Variants in TMTC3 observed in about 807,000 individuals in gnomAD.
TMTC3 encodes the protein protein O-mannosyl-transferase TMTC3.
TMTC3 carries 52 observed loss-of-function variants against 92.2 expected under a neutral mutation model. That is an observed-to-expected ratio of 0.56 (90% confidence interval 0.45 to 0.71). The LOEUF is 0.71. Ranked by LOEUF, TMTC3 falls within the 30% of genes least tolerant of loss-of-function variation. The pLI is 0.00. For synonymous variants in TMTC3, 339 were observed against 363.3 expected (o/e 0.93, Z 0.76); for missense variants, 896 against 1,057.1 (o/e 0.85, Z 2.11).
intron 8 of TMTC3, among the ~76,000 whole-genome samples, chr12:88,173,855 C>T (rs184814426): frequency 6.6e-6 from 1 of 152,192 alleles, no homozygotes; most frequent in East Asian, 1.9e-4. Flanking sequence ...TATCCAAGAT[C>T]ACACAGCTAG....
At chr12:88,185,829 A>G (rs1441043685) in intron 10 of TMTC3, among the ~76,000 whole-genome samples, 1 of 152,052 alleles carries the variant, frequency 6.6e-6, no homozygotes, top group Non-Finnish European at 1.5e-5. Context: ...TTGTCTGTTA[A>G]TACAGTGGAT....
At chr12:88,193,786 T>C (rs552554880) in intron 13 of TMTC3, among the ~76,000 whole-genome samples, 1 of 152,340 alleles carries the variant, frequency 6.6e-6, no homozygotes, top group African/African-American at 2.4e-5. Context: ...GAAAAGCTAA[T>C]ATTTTTGTAA....
intron 10 of TMTC3, among the ~76,000 whole-genome samples, chr12:88,186,918 CATG>C (rs1282862472): frequency 6.6e-6 from 1 of 152,018 alleles, no homozygotes; most frequent in East Asian, 1.9e-4. Flanking sequence ...ATTCTAAGAG[CATG>C]ATTTCAATGG....
At chr12:88,175,318 A>C (rs2041247786) in intron 9 of TMTC3, among the ~76,000 whole-genome samples, 1 of 152,160 alleles carries the variant, frequency 6.6e-6, no homozygotes, top group African/African-American at 2.4e-5. Context: ...AAAAAACAAA[A>C]ATTTGTTTTC....
At chr12:88,149,995 T>C (rs1245988600) in intron 2 of TMTC3, among the ~76,000 whole-genome samples, 1 of 152,190 alleles carries the variant, frequency 6.6e-6, no homozygotes, top group Non-Finnish European at 1.5e-5. Flanking sequence ...GTTGAGGTTT[T>C]GAACTGATGG....
chr12:88,176,048 G>C (rs1304010449), intron 9 of TMTC3, among the ~76,000 whole-genome samples, 160 bp from the exon 10 acceptor site: 2 of 152,154 alleles, frequency 1.3e-5, no homozygotes, highest in East Asian at 3.9e-4. Flanking sequence ...GGTTCAGGGA[G>C]AGTAAATTTG....
chr12:88,143,019 C>CT (rs1440081131), intron 1 of TMTC3, among the ~76,000 whole-genome samples: 1 of 152,126 alleles, frequency 6.6e-6, no homozygotes, highest in African/African-American at 2.4e-5. Flanking sequence ...GTTTACCACT[C>CT]TTACTCGTGC....
At chr12:88,148,604 GT>G in intron 2 of TMTC3, 100 bp downstream of exon 2, 1 of 890,188 alleles carries the variant, frequency 1.1e-6, no homozygotes, top group Non-Finnish European at 1.6e-6. Context: ...CATCACAACA[GT>G]TACAGATTTT....
chr12:88,182,971 T>A (rs1325559593), intron 10 of TMTC3, among the ~76,000 whole-genome samples: 2 of 152,148 alleles, frequency 1.3e-5, no homozygotes, highest in Non-Finnish European at 2.9e-5. Context: ...AGGGAGACCC[T>A]GTTGAAGGGG....
intron 7 of TMTC3, 35 bp downstream of exon 7, chr12:88,166,617 A>G (rs1464440308): frequency 6.3e-7 from 1 of 1,579,708 alleles, no homozygotes; most frequent in Non-Finnish European, 8.6e-7. Flanking sequence ...AATGATGTTA[A>G]CATTCAGTTG....
intron 1 of TMTC3, among the ~76,000 whole-genome samples, chr12:88,145,259 T>TTA (rs2040858802): frequency 6.6e-6 from 1 of 152,160 alleles, no homozygotes; most frequent in Non-Finnish European, 1.5e-5. Context: ...TAAGCCATGG[T>TTA]TAATGGCTTA....
chr12:88,173,164 T>C lies in TMTC3; in HGVS notation c.1199+419T>C, dbSNP rs1006554699. 4 of 1,084,110 alleles carry C rather than the reference T, an allele frequency of 3.7e-6. No homozygotes were observed. The African/African-American group carries it at 6.6e-5, about 18-fold the overall frequency. The allele number at this position is 1,084,110 out of a possible 1,614,324, so 67.2% of individuals were successfully genotyped here. On this transcript the variant is annotated intron_variant, in intron 8 of 13. Coordinates refer to ENST00000266712, the MANE Select transcript of TMTC3 (RefSeq NM_181783.4). ...GTAATTTCTTGCTATCATCACTATC[T>C]TCATTATAATCTTTGTATCCTAGTT...
chr12:88,183,397 C>CA (rs1444797237), intron 10 of TMTC3, among the ~76,000 whole-genome samples: 2 of 152,132 alleles, frequency 1.3e-5, no homozygotes, highest in African/African-American at 4.8e-5. Context: ...CTTGCATTGC[C>CA]AGGCAGGCTA....
At chr12:88,142,570 G>GT (rs1290060699) in intron 1 of TMTC3, 83 bp downstream of exon 1, 1 of 152,414 alleles carries the variant, frequency 6.6e-6, no homozygotes, top group Non-Finnish European at 1.5e-5. Flanking sequence ...TATTGGGGCC[G>GT]TAGGGCCTGG....
intron 9 of TMTC3, among the ~76,000 whole-genome samples, chr12:88,175,506 A>C (rs2041249809): frequency 6.6e-6 from 1 of 152,216 alleles, no homozygotes; most frequent in South Asian, 2.1e-4. Flanking sequence ...CCCTAAGATC[A>C]GATGAGTCTC....
chr12:88,154,280 CT>C lies in TMTC3; in HGVS notation c.409-5del. The stretch of plus-strand genomic sequence containing the variant: ...TTAATATGAACCCCCTTCATTTTTC[CT>C]TTCTAGGTAACAGGAGTTGTTGGAA... On this transcript the variant is annotated splice_region_variant and splice_polypyrimidine_tract_variant and intron_variant, in intron 3 of 13. Transcript: ENST00000266712. 3 of 1,585,432 alleles carry C rather than the reference CT, an allele frequency of 1.9e-6. No individual in the cohort carries two copies. Among genetic ancestry groups the C allele is most frequent in the Non-Finnish European group, 2.6e-6 (3 of 1,167,804 alleles).
intron 4 of TMTC3, 61 bp from the exon 5 acceptor site, chr12:88,160,053 C>T: frequency 8.8e-7 from 1 of 1,141,192 alleles, no homozygotes; most frequent in South Asian, 1.5e-5. Context: ...TTTAAAATAT[C>T]TTTTTTTGAT....
chr12:88,157,128 A>G (rs929299351), intron 4 of TMTC3, among the ~76,000 whole-genome samples: 3 of 152,054 alleles, frequency 2.0e-5, no homozygotes, highest in East Asian at 1.9e-4. Context: ...CCTAGTTTAC[A>G]GTAGGTGTTT....
intron 10 of TMTC3, among the ~76,000 whole-genome samples, chr12:88,182,463 G>A (rs1002446582): frequency 5.3e-5 from 8 of 152,046 alleles, no homozygotes; most frequent in African/African-American, 9.7e-5. Context: ...AATTAATATC[G>A]CCCAGTAATT....
Sources: allele counts gnomAD v4.1 joint callset (sites outside exome capture counted in the v4.1 genomes callset), GRCh38; gene constraint gnomAD v4.1.1; transcripts MANE v1.5; gene names NCBI Gene and HGNC (gene_info 2026-07-23, HGNC 2026-07-21).